The following MROH9 variants were observed in gnomAD, a reference collection of about 807,000 sequenced individuals.
The protein encoded by MROH9 is maestro heat like repeat family member 9.
In MROH9, 92 loss-of-function variants were observed where a neutral mutation model predicts 98.2. That is an observed-to-expected ratio of 0.94 (90% CI 0.79 to 1.11). The LOEUF (loss-of-function observed/expected upper bound fraction) is 1.11. Ranked by LOEUF, MROH9 falls within the 50% of genes most tolerant of loss-of-function variation. The pLI, the probability that MROH9 is intolerant of heterozygous loss-of-function variation, is 0.00. For missense variants in MROH9, 1,057 were observed against 1,014.8 expected (o/e 1.04, Z -0.57); for synonymous variants, 397 against 368.9 (o/e 1.08, Z -0.87).
At chr1:170,998,918 C>T (rs57641939) in intron 15 of MROH9, 4,045 of 216,722 alleles carry the variant, frequency 0.019, 182 homozygotes, top group African/African-American at 0.089. Flanking sequence ...CATAGGAAAA[C>T]GGTTAATAAA....
chr1:171,037,287 A>AGAAG (rs556783181), intron 20 of MROH9, among the ~76,000 whole-genome samples: 1 of 151,560 alleles, frequency 6.6e-6, no homozygotes, highest in East Asian at 1.9e-4. Context: ...AGAAAAAGAA[A>AGAAG]GAAGGAAGGA....
At chr1:171,046,087 A>G (rs147360780) in intron 20 of MROH9, among the ~76,000 whole-genome samples, 49 of 152,188 alleles carry the variant, frequency 3.2e-4, no homozygotes, top group African/African-American at 1.2e-3. Context: ...CTTGAAATCT[A>G]TCTTTTCTGA....
intron 20 of MROH9, among the ~76,000 whole-genome samples, chr1:171,027,214 C>T (rs1414931242): frequency 6.6e-6 from 1 of 152,182 alleles, no homozygotes; most frequent in Admixed American, 6.5e-5. Context: ...CAACCCCCAC[C>T]TCCCAACAGG....
At chr1:171,008,006 T>C (rs1652021203) in intron 15 of MROH9, among the ~76,000 whole-genome samples, 1 of 152,176 alleles carries the variant, frequency 6.6e-6, no homozygotes, top group Admixed American at 6.5e-5. Flanking sequence ...TCCCAAAAAG[T>C]CCCCAGCAAG....
intron 20 of MROH9, among the ~76,000 whole-genome samples, chr1:171,056,806 C>T (rs1196661942): frequency 2.0e-5 from 3 of 152,240 alleles, no homozygotes; most frequent in South Asian, 2.1e-4. Context: ...CATCTCCAGA[C>T]GCAGGAGTAA....
intron 14 of MROH9, 42 bp from the exon 15 acceptor site, chr1:170,998,112 G>A: frequency 6.8e-7 from 1 of 1,463,614 alleles, no homozygotes; most frequent in Non-Finnish European, 9.3e-7. Flanking sequence ...TTAGCATGGT[G>A]TTTTCTCCTT....
intron 5 of MROH9, 39 bp from the exon 6 acceptor site, chr1:170,961,851 T>C: frequency 9.2e-7 from 1 of 1,089,678 alleles, no homozygotes; most frequent in Non-Finnish European, 1.3e-6. Context: ...TAAAATTTTA[T>C]CTAAGTCTGG....
intron 6 of MROH9, among the ~76,000 whole-genome samples, chr1:170,963,195 A>G (rs929206925): frequency 6.6e-6 from 1 of 152,192 alleles, no homozygotes; most frequent in Admixed American, 6.5e-5. Flanking sequence ...TTTCAAAAGA[A>G]GACATACATG....
chr1:171,015,559 C>A (rs999085075), intron 16 of MROH9, among the ~76,000 whole-genome samples: 5 of 152,060 alleles, frequency 3.3e-5, no homozygotes, highest in Admixed American at 2.0e-4. Flanking sequence ...TCTGGTGTCT[C>A]CTTTTCGTGT....
chr1:171,051,771 A>T (rs557459805), intron 20 of MROH9, among the ~76,000 whole-genome samples: 98 of 152,294 alleles, frequency 6.4e-4, no homozygotes, highest in Middle Eastern at 3.4e-3. Flanking sequence ...ATTTAATTTT[A>T]AAAAAATTTC....
chr1:170,987,852 A>G (rs1651210383), intron 10 of MROH9, among the ~76,000 whole-genome samples: 1 of 152,200 alleles, frequency 6.6e-6, no homozygotes, highest in Admixed American at 6.5e-5. Context: ...AAAGGAAAAT[A>G]ATTTATGGCC....
chr1:170,980,842 A>T (rs565027008), intron 8 of MROH9, among the ~76,000 whole-genome samples: 2 of 152,164 alleles, frequency 1.3e-5, no homozygotes, highest in Non-Finnish European at 2.9e-5. Context: ...AACCTACAGA[A>T]TGGGAGAAAA....
chr1:170,988,508 C>A (rs753881844), intron 10 of MROH9, among the ~76,000 whole-genome samples: 4 of 152,210 alleles, frequency 2.6e-5, no homozygotes, highest in Non-Finnish European at 4.4e-5. Flanking sequence ...GAAAGAGAGA[C>A]CAAACAGAAA....
chr1:171,048,464 T>G (rs1653537290), intron 20 of MROH9, among the ~76,000 whole-genome samples: 1 of 152,122 alleles, frequency 6.6e-6, no homozygotes, highest in Non-Finnish European at 1.5e-5. Flanking sequence ...AGACTACCAC[T>G]GATGTTCCCT....
At chr1:171,045,592 T>C (rs1238386406) in intron 20 of MROH9, among the ~76,000 whole-genome samples, 1 of 152,192 alleles carries the variant, frequency 6.6e-6, no homozygotes, top group East Asian at 1.9e-4. Flanking sequence ...CACTTATTTG[T>C]ATAGTTTCCA....
At position 170,981,700 on chromosome 1, in the gene MROH9, C is replaced by T. The variant is rs768844779; in HGVS notation, c.617-1722C>T. ...TGTGTACCTATGGAACAAACCTGCA[C>T]GTTCTGCACATGTATCCCCTTCCGC... On this transcript the variant is annotated intron_variant, in intron 8 of 21. Transcript: ENST00000367759. Among the ~76,000 whole-genome samples, 3 of 149,410 alleles carry T rather than the reference C, an allele frequency of 2.0e-5. No individual in the cohort carries two copies. In the South Asian group the frequency reaches 6.3e-4, roughly 32 times the overall value.
intron 20 of MROH9, among the ~76,000 whole-genome samples, chr1:171,052,337 C>T (rs927840072): frequency 3.3e-5 from 5 of 152,112 alleles, no homozygotes; most frequent in Non-Finnish European, 5.9e-5. Flanking sequence ...CCATCCGTGG[C>T]CCCCCAGTGG....
In MROH9 at chr1:170,998,250, C is replaced by T. The variant is rs1248201494; in HGVS notation, c.1572C>T (p.Val524=). ...GTCCTAGAAGGTCAGAAGACACTGTCATCGTATTAATATTCCTCACTGAAG... is the reference window on the plus strand; with the variant it reads ...GTCCTAGAAGGTCAGAAGACACTGTTATCGTATTAATATTCCTCACTGAAG... ...VEGPRRSEDT[V]IVLIFLTELL... The change falls in exon 15 of 22, where the codon GTC becomes GTT. Residue 524 remains valine, a synonymous_variant. Coordinates refer to ENST00000367759, the MANE Select transcript of MROH9 (RefSeq NM_001163629.2). The T allele has an allele frequency of 3.1e-6, 5 of 1,613,444 alleles. No individual in the cohort carries two copies. The highest frequency in any genetic ancestry group is 1.1e-5 in the South Asian group (1 of 91,052).
At chr1:170,938,785 C>T (rs1282334256) in intron 1 of MROH9, among the ~76,000 whole-genome samples, 1 of 152,234 alleles carries the variant, frequency 6.6e-6, no homozygotes, top group Non-Finnish European at 1.5e-5. Flanking sequence ...ATGATGGACG[C>T]AGTCCAATGT....
Sources: gnomAD v4.1 joint callset for allele counts (sites outside exome capture counted in the v4.1 genomes callset) on GRCh38, gnomAD v4.1.1 for gene constraint, MANE v1.5 for transcripts, NCBI Gene and HGNC (gene_info 2026-07-23, HGNC 2026-07-21) for gene names.